Variants in PAK4 observed in about 807,000 individuals in gnomAD.
PAK4 encodes serine/threonine-protein kinase PAK 4.
A neutral mutation model predicts 53.5 loss-of-function variants in PAK4; 49 were observed. The ratio of observed to expected loss-of-function variants is 0.92; its 90% confidence interval spans 0.73 to 1.16. PAK4 has a LOEUF of 1.16. Ranked by LOEUF, PAK4 falls within the 50% of genes most tolerant of loss-of-function variation. PAK4 has a pLI of 0.00. For missense variants in PAK4, 824 were observed against 850.7 expected (o/e 0.97, Z 0.39); for synonymous variants, 376 against 375.6 (o/e 1.00, Z -0.01).
At position 39,161,238 on chromosome 19, in the gene PAK4, A is replaced by G. The variant is rs1004502391; in HGVS notation, c.-22-8294A>G. Among the ~76,000 whole-genome samples, 1 of 152,222 alleles carries G rather than the reference A, an allele frequency of 6.6e-6. No individual in the cohort carries two copies. The highest frequency in any genetic ancestry group is 2.4e-5 in the African/African-American group (1 of 41,464). ...ATGAACCAAAACGCGGTCCCTGTCC[A>G]TATGAGTCACTGACTTAGCGAGGAA... On this transcript the variant is annotated intron_variant, in intron 1 of 8. Coordinates refer to ENST00000358301, the Ensembl canonical transcript of PAK4. This position sits in a 1 kb window ranked among gnomAD's most constrained non-coding sequence, Gnocchi z 4.5.
rs200026990 is a variant in PAK4, at chr19:39,178,455, G to A, written c.1652G>A (p.Arg551His). 44 of 1,598,046 alleles carry A rather than the reference G, an allele frequency of 2.8e-5. No individual in the cohort carries two copies. Among genetic ancestry groups the A allele is most frequent in the East Asian group, 4.6e-5 (2 of 43,832 alleles). ...CCATCCCTGAAGGGCTTCCTGGACC[G>A]CCTGCTGGTGCGAGACCCTGCCCAG... The change falls in exon 9 of 9, where the codon CGC (arginine) becomes CAC (histidine). Residue 551 changes from arginine (R) to histidine (H), a missense_variant. Transcript: ENST00000358301. This position sits in a 1 kb window ranked among gnomAD's most constrained non-coding sequence, Gnocchi z 4.4.
At chr19:39,152,082 A>G (rs565556992) in intron 1 of PAK4, 24 of 150,064 alleles carry the variant, frequency 1.6e-4, no homozygotes, top group African/African-American at 5.8e-4. Context: ...TAAATTGTGC[A>G]CCATTCTGAG....
In PAK4 at chr19:39,175,149, C is replaced by G; in HGVS notation, c.1232+85C>G. The G allele has an allele frequency of 1.3e-6, 2 of 1,528,520 alleles. No homozygotes were observed. The allele number at this position is 1,528,520 out of a possible 1,614,324, so 94.7% of individuals were successfully genotyped here. On this transcript the variant is annotated intron_variant, in intron 5 of 8. Transcript: ENST00000358301. This position sits in a 1 kb window ranked among gnomAD's most constrained non-coding sequence, Gnocchi z 4.7. Reference sequence around the variant, plus strand: ...GGGTGGGGCCACATCTCCAAACCAGCTGTGCTCCGGGCCCCTGGGATGGGG... The same window carrying G: ...GGGTGGGGCCACATCTCCAAACCAGGTGTGCTCCGGGCCCCTGGGATGGGG...
At chr19:39,169,712 C>A in exon 2 of PAK4, 1 of 1,610,962 alleles carries the variant, frequency 6.2e-7, no homozygotes, top group Non-Finnish European at 8.5e-7. Flanking sequence ...CCAAGCCCCT[C>A]GTCGACCCCG....
At chr19:39,154,262 G>C (rs572718436) in intron 1 of PAK4, among the ~76,000 whole-genome samples, 30 of 152,242 alleles carry the variant, frequency 2.0e-4, no homozygotes, top group Middle Eastern at 3.4e-3. Context: ...ACTTCCACTC[G>C]ATGCTGCTAA....
rs1314156692 is a variant in PAK4 at position 39,175,706 on chromosome 19, C to T, written c.1359+268C>T. 3.9e-5 allele frequency among the ~76,000 whole-genome samples: 6 copies of T among 152,072 alleles called. No individual in the cohort carries two copies. The highest frequency in any genetic ancestry group is 3.2e-3 in the Middle Eastern group (1 of 316). ...CAGGGGCAGGGATCTGGGCAGACAG[C>T]GCAGCCCCCGCCACAGGCTTCTTCC... is the stretch of plus-strand genomic sequence containing the variant. On this transcript the variant is annotated intron_variant, in intron 6 of 8. Transcript: ENST00000358301. This position sits in a 1 kb window ranked among gnomAD's most constrained non-coding sequence, Gnocchi z 4.7.
chr19:39,175,156 C>G lies in PAK4; in HGVS notation c.1232+92C>G, dbSNP rs2074576946. On this transcript the variant is annotated intron_variant, in intron 5 of 8. Coordinates refer to ENST00000358301, the Ensembl canonical transcript of PAK4. This position sits in a 1 kb window ranked among gnomAD's most constrained non-coding sequence, Gnocchi z 4.7. ...GCCACATCTCCAAACCAGCTGTGCT[C>G]CGGGCCCCTGGGATGGGGTCGTGTC... 12 of 1,520,980 alleles carry G rather than the reference C, an allele frequency of 7.9e-6. No individual in the cohort carries two copies. The highest frequency in any genetic ancestry group is 6.2e-6 in the Non-Finnish European group (7 of 1,120,548). The allele number at this position is 1,520,980 out of a possible 1,614,324, so 94.2% of individuals were successfully genotyped here. A position where few individuals can be genotyped will look rare whatever the true frequency, so the allele number is the denominator to read the frequency against.
chr19:39,135,705 G>C lies in PAK4; in HGVS notation c.-23+9786G>C, dbSNP rs558516939. 3.9e-5 allele frequency among the ~76,000 whole-genome samples: 6 copies of C among 152,094 alleles called. No individual in the cohort carries two copies. In the East Asian group the frequency reaches 1.2e-3, roughly 30 times the overall value. On this transcript the variant is annotated intron_variant, in intron 1 of 8. Transcript: ENST00000358301. ...GAAGGGTGAACCCAAACAACAGGCA[G>C]CCCTCCCCGAGCTCAGTCCAGTGGG...
At chr19:39,131,648 C>T (rs182147772) in intron 1 of PAK4, among the ~76,000 whole-genome samples, 3 of 152,206 alleles carry the variant, frequency 2.0e-5, no homozygotes, top group Admixed American at 6.5e-5. Context: ...GGGGAGCCAG[C>T]GCTGGCGGAT....
At chr19:39,167,295 G>A (rs1162333796) in intron 1 of PAK4, among the ~76,000 whole-genome samples, 1 of 152,222 alleles carries the variant, frequency 6.6e-6, no homozygotes, top group Admixed American at 6.5e-5. Context: ...CAAAGGGGGT[G>A]GAGGGACATC....
chr19:39,178,832 C>A lies in PAK4; in HGVS notation c.*253C>A. Reference sequence around the variant, plus strand: ...CCACCCTCTGGGACAGGCCCTCCCCCATGTTCTTCTGTCTCCAGGAAGGGC... The same window carrying A: ...CCACCCTCTGGGACAGGCCCTCCCCAATGTTCTTCTGTCTCCAGGAAGGGC... On this transcript the variant is annotated 3_prime_UTR_variant, in exon 9 of 9. Transcript: ENST00000358301. This position sits in a 1 kb window ranked among gnomAD's most constrained non-coding sequence, Gnocchi z 4.4. The A allele has an allele frequency of 2.2e-6, 1 of 459,072 alleles. No homozygotes were observed. Among genetic ancestry groups the A allele is most frequent in the Non-Finnish European group, 3.9e-6 (1 of 258,846 alleles). The allele number at this position is 459,072 out of a possible 1,614,324, so 28.4% of individuals were successfully genotyped here. A position where few individuals can be genotyped will look rare whatever the true frequency, so the allele number is the denominator to read the frequency against.
At chr19:39,155,717 G>A (rs1292466907) in intron 1 of PAK4, among the ~76,000 whole-genome samples, 1 of 152,128 alleles carries the variant, frequency 6.6e-6, no homozygotes, top group Non-Finnish European at 1.5e-5. Context: ...CTGGTTAAGG[G>A]CACAGACACC....
intron 1 of PAK4, among the ~76,000 whole-genome samples, chr19:39,165,195 G>GATGATAATAATAATAATAATA (rs1364745681): frequency 4.7e-5 from 6 of 128,434 alleles, no homozygotes; most frequent in African/African-American, 1.8e-4. Flanking sequence ...TGATGATGAT[G>GATGATAATAATAATAATAATA]ATAATAATAA....
Position 39,175,409 on chromosome 19 carries a change from G to A in PAK4, c.1330G>A (p.Asp444Asn), listed in dbSNP as rs760075494. The change falls in exon 6 of 9, where the codon GAC (aspartate) becomes AAC (asparagine). Residue 444 changes from aspartate to asparagine, a missense_variant. Around this residue, in one of 2 missense-constraint regions of PAK4, gnomAD observed 346 missense variants for 415.0 expected, o/e 0.83. Coordinates refer to ENST00000358301, the Ensembl canonical transcript of PAK4. The surrounding 1 kb of genome is among the most constrained non-coding windows in gnomAD (Gnocchi z 4.7). ...CGTCATCCACCGGGACATCAAGAGC[G>A]ACTCGATCCTGCTGACCCATGATGG... The A allele has an allele frequency of 3.1e-6, 5 of 1,611,972 alleles. No individual in the cohort carries two copies. Among genetic ancestry groups the A allele is most frequent in the East Asian group, 2.2e-5 (1 of 44,810 alleles).
At position 39,178,423 on chromosome 19, in the gene PAK4, G is replaced by A; in HGVS notation, c.1621-1G>A. 1 of 1,583,350 alleles carries A rather than the reference G, an allele frequency of 6.3e-7. No individual in the cohort carries two copies. ...CCTGACCCTCCCCTCCTTCTCGACA[G>A]GTGTCGCCATCCCTGAAGGGCTTCC... is the stretch of plus-strand genomic sequence containing the variant. On this transcript the variant is annotated splice_acceptor_variant, in intron 8 of 8. Coordinates refer to ENST00000358301, the Ensembl canonical transcript of PAK4. LOFTEE classifies it high-confidence loss of function. This position sits in a 1 kb window ranked among gnomAD's most constrained non-coding sequence, Gnocchi z 4.4.
At chr19:39,134,585 T>C (rs938281099) in intron 1 of PAK4, among the ~76,000 whole-genome samples, 2 of 151,824 alleles carry the variant, frequency 1.3e-5, no homozygotes, top group Admixed American at 1.3e-4. Context: ...GTCATTCATC[T>C]TTGTTGCTGT....
chr19:39,175,154 C>T lies in PAK4; in HGVS notation c.1232+90C>T. 1 of 1,519,712 alleles carries T rather than the reference C, an allele frequency of 6.6e-7. No individual in the cohort carries two copies. The highest frequency in any genetic ancestry group is 8.9e-7 in the Non-Finnish European group (1 of 1,119,124). The allele number at this position is 1,519,712 out of a possible 1,614,324, so 94.1% of individuals were successfully genotyped here. A position where few individuals can be genotyped will look rare whatever the true frequency, so the allele number is the denominator to read the frequency against. On this transcript the variant is annotated intron_variant, in intron 5 of 8. Transcript: ENST00000358301. This position sits in a 1 kb window ranked among gnomAD's most constrained non-coding sequence, Gnocchi z 4.7. ...GGGCCACATCTCCAAACCAGCTGTG[C>T]TCCGGGCCCCTGGGATGGGGTCGTG...
At chr19:39,158,219 G>A (rs888374530) in intron 1 of PAK4, among the ~76,000 whole-genome samples, 3 of 152,038 alleles carry the variant, frequency 2.0e-5, no homozygotes, top group Non-Finnish European at 4.4e-5. Flanking sequence ...GTGTGGGTGT[G>A]CGTGTGTGTG....
exon 8 of PAK4, chr19:39,177,751 T>G (rs759054540): frequency 1.2e-6 from 2 of 1,613,382 alleles, no homozygotes; most frequent in African/African-American, 2.7e-5. Context: ...GAGCCACCCC[T>G]CAAAGCCATG....
Sources: allele counts gnomAD v4.1 joint callset (sites outside exome capture counted in the v4.1 genomes callset), GRCh38; gene constraint gnomAD v4.1.1; regional missense constraint gnomAD v4.1.1; non-coding constraint Gnocchi (gnomAD v3.1); transcripts MANE v1.5; gene names NCBI Gene and HGNC (gene_info 2026-07-23, HGNC 2026-07-21).